The following PDGFD variants were observed in gnomAD, a reference collection of about 807,000 sequenced individuals.
The protein encoded by PDGFD is platelet-derived growth factor D.
PDGFD carries 30 observed loss-of-function variants against 44.7 expected under a neutral mutation model. The ratio of observed to expected loss-of-function variants is 0.67; its 90% CI spans 0.50 to 0.91. The LOEUF is 0.91. Among genes scored for constraint, PDGFD ranks in the 40% least tolerant of loss-of-function variants. The pLI, the probability that PDGFD is intolerant of heterozygous loss-of-function variation, is 0.00. For missense variants in PDGFD, 445 were observed against 457.8 expected (o/e 0.97, Z 0.25); for synonymous variants, 173 against 168.4 (o/e 1.03, Z -0.21).
At chr11:103,928,998 C>G (rs1242706360) in intron 5 of PDGFD, among the ~76,000 whole-genome samples, 1 of 152,028 alleles carries the variant, frequency 6.6e-6, no homozygotes, top group Admixed American at 6.6e-5. Context: ...TTGTCTAACA[C>G]GGAGGACTAA....
At chr11:104,159,953 A>T (rs907985906) in intron 1 of PDGFD, among the ~76,000 whole-genome samples, 1 of 152,250 alleles carries the variant, frequency 6.6e-6, no homozygotes, top group Middle Eastern at 3.2e-3. Flanking sequence ...ATATGTAATC[A>T]CCACTATGCT....
rs536691352 is a variant in PDGFD, at chr11:104,101,772, G to A, written c.124+62032C>T. 5.9e-5 allele frequency among the ~76,000 whole-genome samples: 9 copies of A among 151,854 alleles called. No homozygotes were observed. The South Asian group carries it at 6.2e-4, about 10-fold the overall frequency. ...GAACAGAGCCCCCAGAAATAATGCC[G>A]CATATCTACAACTATCTGATCTTTG... On this transcript the variant is annotated intron_variant, in intron 1 of 6. Coordinates refer to ENST00000393158, the MANE Select transcript of PDGFD (RefSeq NM_025208.5).
chr11:104,130,093 A>G (rs184906680), intron 1 of PDGFD, among the ~76,000 whole-genome samples: 3 of 152,166 alleles, frequency 2.0e-5, no homozygotes, highest in Admixed American at 6.5e-5. Flanking sequence ...AAGATAGAGA[A>G]TAAGAAAGTG....
chr11:104,144,610 A>T (rs909233169), intron 1 of PDGFD, among the ~76,000 whole-genome samples: 7 of 152,060 alleles, frequency 4.6e-5, no homozygotes, highest in African/African-American at 1.7e-4. Context: ...TTATGATACA[A>T]CCAATTCAAT....
chr11:104,064,133 T>G (rs1330255998), intron 1 of PDGFD, among the ~76,000 whole-genome samples: 1 of 152,184 alleles, frequency 6.6e-6, no homozygotes. Flanking sequence ...TCACTGCTGA[T>G]TTTACAATGT....
At chr11:104,146,400 T>C (rs902558956) in intron 1 of PDGFD, among the ~76,000 whole-genome samples, 2 of 152,108 alleles carry the variant, frequency 1.3e-5, no homozygotes, top group Non-Finnish European at 2.9e-5. Context: ...GACTAGACAA[T>C]GTGGTTAATC....
chr11:104,046,841 A>G (rs1333972924), intron 1 of PDGFD, among the ~76,000 whole-genome samples: 2 of 146,552 alleles, frequency 1.4e-5, no homozygotes, highest in African/African-American at 5.0e-5. Context: ...TGCTGCACCC[A>G]TCAACCTGTC....
At chr11:104,147,585 G>T (rs761135954) in intron 1 of PDGFD, among the ~76,000 whole-genome samples, 13 of 152,074 alleles carry the variant, frequency 8.5e-5, no homozygotes, top group Non-Finnish European at 1.6e-4. Flanking sequence ...TCAGTGGCAG[G>T]ACTGAAATTT....
chr11:104,141,619 T>TC (rs1358770695), intron 1 of PDGFD, among the ~76,000 whole-genome samples: 3 of 152,138 alleles, frequency 2.0e-5, no homozygotes, highest in Non-Finnish European at 4.4e-5. Flanking sequence ...GTGGCTGAGT[T>TC]CAAGGTCTTG....
intron 1 of PDGFD, among the ~76,000 whole-genome samples, chr11:104,053,547 G>C (rs1346502722): frequency 6.6e-6 from 1 of 152,136 alleles, no homozygotes; most frequent in African/African-American, 2.4e-5. Context: ...GTGTTAATTA[G>C]CTGTAATAAC....
At chr11:103,935,128 C>T (rs535673042) in intron 5 of PDGFD, among the ~76,000 whole-genome samples, 76 of 152,240 alleles carry the variant, frequency 5.0e-4, no homozygotes, top group Middle Eastern at 3.4e-3. Context: ...TATGGCTTTC[C>T]ACTGTCAACT....
At chr11:103,962,982 C>T (rs1210643756) in intron 3 of PDGFD, among the ~76,000 whole-genome samples, 2 of 152,070 alleles carry the variant, frequency 1.3e-5, no homozygotes, top group African/African-American at 4.8e-5. Flanking sequence ...ATGCAAATTC[C>T]AACTTCTCCA....
intron 3 of PDGFD, among the ~76,000 whole-genome samples, chr11:103,969,099 C>T (rs1859063668): frequency 6.6e-6 from 1 of 152,176 alleles, no homozygotes; most frequent in Non-Finnish European, 1.5e-5. Flanking sequence ...TATACAGAGA[C>T]TTTCACAGTA....
intron 3 of PDGFD, among the ~76,000 whole-genome samples, chr11:103,992,650 A>G (rs754919111): frequency 3.9e-5 from 6 of 152,214 alleles, no homozygotes; most frequent in Non-Finnish European, 8.8e-5. Context: ...ACAGGTGCTA[A>G]AAGAAGGTAG....
intron 1 of PDGFD, among the ~76,000 whole-genome samples, chr11:104,049,521 T>C (rs1238166236): frequency 6.6e-6 from 1 of 152,096 alleles, no homozygotes; most frequent in African/African-American, 2.4e-5. Flanking sequence ...AGGAAAGACA[T>C]TTGATTTTTT....
chr11:103,939,422 C>T (rs1858547834), intron 5 of PDGFD, among the ~76,000 whole-genome samples: 2 of 152,100 alleles, frequency 1.3e-5, no homozygotes, highest in South Asian at 2.1e-4. Flanking sequence ...TGAGACTTTG[C>T]TGAAATTGCT....
intron 6 of PDGFD, among the ~76,000 whole-genome samples, chr11:103,918,503 T>C (rs897577495): frequency 6.6e-6 from 1 of 152,206 alleles, no homozygotes; most frequent in African/African-American, 2.4e-5. Context: ...GCTTTGTCGA[T>C]TTGCTTTCTC....
intron 3 of PDGFD, among the ~76,000 whole-genome samples, chr11:103,961,313 T>G (rs1374742064): frequency 6.6e-6 from 1 of 152,154 alleles, no homozygotes; most frequent in Non-Finnish European, 1.5e-5. Context: ...AATGAATAAA[T>G]GAATAATCCA....
chr11:103,946,903 A>T (rs371157339), intron 4 of PDGFD, among the ~76,000 whole-genome samples: 3 of 152,186 alleles, frequency 2.0e-5, no homozygotes, highest in East Asian at 3.9e-4. Flanking sequence ...ATAACATACC[A>T]ATTTTAGGAA....
Sources: gnomAD v4.1 joint callset for allele counts (sites outside exome capture counted in the v4.1 genomes callset) on GRCh38, gnomAD v4.1.1 for gene constraint, MANE v1.5 for transcripts, NCBI Gene and HGNC (gene_info 2026-07-23, HGNC 2026-07-21) for gene names.